Variants in PDE3A observed in about 807,000 individuals in gnomAD.
PDE3A encodes the protein cGMP-inhibited 3',5'-cyclic phosphodiesterase 3A.
PDE3A carries 43 observed loss-of-function variants against 98.3 expected under a neutral mutation model. The ratio of observed to expected loss-of-function variants is 0.44; its 90% CI spans 0.34 to 0.56. The LOEUF (loss-of-function observed/expected upper bound fraction) is 0.56. PDE3A is among the 20% of genes least tolerant of loss of function. The probability of loss-of-function intolerance (pLI) is 0.01; values close to 1 mark genes in which losing one functional copy is unlikely to be tolerated. For missense variants in PDE3A, 1,427 were observed against 1,440.7 expected, an observed-to-expected ratio of 0.99 and a Z score of 0.15; for synonymous variants, 663 against 567.9, an observed-to-expected ratio of 1.17 and a Z score of -2.38.
intron 2 of PDE3A, among the ~76,000 whole-genome samples, chr12:20,610,763 G>A (rs1459714111): frequency 6.6e-6 from 1 of 151,930 alleles, no homozygotes; most frequent in Non-Finnish European, 1.5e-5. Flanking sequence ...AGAACATTAT[G>A]CTGAGTAAAA....
chr12:20,428,694 A>G (rs928100321), intron 1 of PDE3A, among the ~76,000 whole-genome samples: 1 of 152,234 alleles, frequency 6.6e-6, no homozygotes, highest in Non-Finnish European at 1.5e-5. Context: ...AACAACATAC[A>G]TGCTTTTGCA....
At chr12:20,390,649 G>A (rs1269967575) in intron 1 of PDE3A, among the ~76,000 whole-genome samples, 1 of 151,792 alleles carries the variant, frequency 6.6e-6, no homozygotes, top group East Asian at 1.9e-4. Context: ...GAGGGAAGAT[G>A]ATGTGTTTGG....
chr12:20,571,938 TA>T (rs1333894428), intron 2 of PDE3A: 3 of 1,065,900 alleles, frequency 2.8e-6, no homozygotes, highest in African/African-American at 3.4e-5. Context: ...GAGTGGGGCA[TA>T]AAATGGGAAA....
chr12:20,629,023 A>G (rs1944323040), intron 5 of PDE3A, among the ~76,000 whole-genome samples: 1 of 152,196 alleles, frequency 6.6e-6, no homozygotes, highest in Non-Finnish European at 1.5e-5. Flanking sequence ...CATTTGCCCT[A>G]CATTACATTG....
At chr12:20,645,870 CTTTTCT>C (rs1419982977) in intron 10 of PDE3A, among the ~76,000 whole-genome samples, 1 of 152,040 alleles carries the variant, frequency 6.6e-6, no homozygotes, top group Non-Finnish European at 1.5e-5. Context: ...ATACAAGAGG[CTTTTCT>C]TTTTCTTTTT....
intron 2 of PDE3A, among the ~76,000 whole-genome samples, chr12:20,577,987 G>A (rs1274806626): frequency 2.6e-5 from 4 of 152,278 alleles, no homozygotes; most frequent in Non-Finnish European, 4.4e-5. Context: ...CAGAGTGGGA[G>A]AGGGGCAGTC....
chr12:20,578,912 A>G (rs76105006), intron 2 of PDE3A, among the ~76,000 whole-genome samples: 17,046 of 152,174 alleles, frequency 0.11, 1,308 homozygotes, highest in East Asian at 0.27. Flanking sequence ...TGTTCTTTTC[A>G]TAGTATAATA....
intron 2 of PDE3A, among the ~76,000 whole-genome samples, chr12:20,580,361 T>C (rs368041535): frequency 1.3e-5 from 2 of 152,146 alleles, no homozygotes; most frequent in Non-Finnish European, 2.9e-5. Flanking sequence ...ATTTTAATGG[T>C]CTACTGTTGA....
At chr12:20,395,704 A>ATC (rs1434341036) in intron 1 of PDE3A, among the ~76,000 whole-genome samples, 17 of 148,200 alleles carry the variant, frequency 1.1e-4, no homozygotes, top group African/African-American at 2.7e-4. Context: ...ATATATATAT[A>ATC]TCTCTAGCAA....
At chr12:20,637,421 C>T (rs757760700) in intron 9 of PDE3A, among the ~76,000 whole-genome samples, 184 bp downstream of exon 9, 2 of 148,280 alleles carry the variant, frequency 1.3e-5, no homozygotes, top group Non-Finnish European at 3.1e-5. Context: ...TCAAGTGAGT[C>T]GAGTGTCATA....
At position 20,391,645 on chromosome 12, in the gene PDE3A, C is replaced by T. The variant is rs113683430; in HGVS notation, c.960+21401C>T. Among the ~76,000 whole-genome samples the T allele has an allele frequency of 7.3e-5, 11 of 151,090 alleles. No individual in the cohort carries two copies. The East Asian group carries it at 7.8e-4, about 11-fold the overall frequency. On this transcript the variant is annotated intron_variant, in intron 1 of 15. Coordinates refer to ENST00000359062, the MANE Select transcript of PDE3A (RefSeq NM_000921.5). ...CTGAAAAACATCAGTGCTGTTGTAT[C>T]ACAGGATTGGAGGGAAATTAAAGGT... is the stretch of plus-strand genomic sequence containing the variant.
intron 1 of PDE3A, among the ~76,000 whole-genome samples, chr12:20,525,154 A>G (rs1946493377): frequency 6.6e-6 from 1 of 152,190 alleles, no homozygotes. Flanking sequence ...AGATGGAGCT[A>G]CATTACTGCT....
intron 1 of PDE3A, among the ~76,000 whole-genome samples, chr12:20,545,695 G>C (rs923657651): frequency 4.6e-5 from 7 of 150,810 alleles, no homozygotes; most frequent in Non-Finnish European, 1.0e-4. Flanking sequence ...AGATCCTGGA[G>C]GAAAAGCTGG....
At chr12:20,381,857 C>G (rs950411849) in intron 1 of PDE3A, among the ~76,000 whole-genome samples, 3 of 151,702 alleles carry the variant, frequency 2.0e-5, no homozygotes, top group Non-Finnish European at 4.4e-5. Context: ...TGACTAGATT[C>G]TTCTTTTTTT....
At chr12:20,643,274 T>C (rs1210183699) in intron 10 of PDE3A, among the ~76,000 whole-genome samples, 1 of 152,220 alleles carries the variant, frequency 6.6e-6, no homozygotes, top group African/African-American at 2.4e-5. Flanking sequence ...TCCTTCTCAG[T>C]TGCCTACCCT....
At chr12:20,653,661 C>T (rs918338332) in intron 14 of PDE3A, among the ~76,000 whole-genome samples, 1 of 152,104 alleles carries the variant, frequency 6.6e-6, no homozygotes, top group Non-Finnish European at 1.5e-5. Context: ...ATTGCATTTT[C>T]GTGCATTTAT....
At chr12:20,441,702 A>G (rs955906149) in intron 1 of PDE3A, among the ~76,000 whole-genome samples, 6 of 152,142 alleles carry the variant, frequency 3.9e-5, no homozygotes, top group African/African-American at 1.4e-4. Flanking sequence ...TCATTCTGTA[A>G]GCTGTGGTCA....
chr12:20,604,680 A>G (rs1359432712), intron 2 of PDE3A, among the ~76,000 whole-genome samples: 5 of 152,158 alleles, frequency 3.3e-5, no homozygotes, highest in Non-Finnish European at 7.4e-5. Context: ...GAATTTTAAA[A>G]AGTTTTTAAA....
intron 1 of PDE3A, among the ~76,000 whole-genome samples, chr12:20,402,041 C>T (rs1944141752): frequency 6.6e-6 from 1 of 152,142 alleles, no homozygotes; most frequent in Admixed American, 6.5e-5. Context: ...GACATAGGTT[C>T]AGTATGTATC....
Sources: allele counts gnomAD v4.1 joint callset (sites outside exome capture counted in the v4.1 genomes callset), GRCh38; gene constraint gnomAD v4.1.1; transcripts MANE v1.5; gene names NCBI Gene and HGNC (gene_info 2026-07-23, HGNC 2026-07-21).